The following FSTL1 variants were observed in gnomAD, a reference collection of about 807,000 sequenced individuals.
FSTL1 encodes follistatin like 1, also known as follistatin-related protein 1.
In FSTL1, 24 loss-of-function variants were observed where a neutral mutation model predicts 45.9. The ratio of observed to expected loss-of-function variants is 0.52; its 90% CI spans 0.38 to 0.74. The LOEUF is 0.74. FSTL1 is among the 30% of genes least tolerant of loss of function. The pLI is 0.00. For synonymous variants in FSTL1, 120 were observed against 137.6 expected, an observed-to-expected ratio of 0.87 and a Z score of 0.89; for missense variants, 340 against 381.8, an observed-to-expected ratio of 0.89 and a Z score of 0.91.
At chr3:120,415,197 C>A (rs1937166465) in intron 3 of FSTL1, among the ~76,000 whole-genome samples, 1 of 150,160 alleles carries the variant, frequency 6.7e-6, no homozygotes, top group Non-Finnish European at 1.5e-5. Context: ...TATCCTCTGA[C>A]CTAGCAAGCC....
At chr3:120,447,807 T>A (rs1937790327) in intron 2 of FSTL1, among the ~76,000 whole-genome samples, 1 of 152,272 alleles carries the variant, frequency 6.6e-6, no homozygotes, top group Non-Finnish European at 1.5e-5. Flanking sequence ...TGTGCTACCA[T>A]GCCCAGGTAA....
chr3:120,403,033 G>A, intron 8 of FSTL1, 115 bp from the exon 9 acceptor site: 1 of 777,984 alleles, frequency 1.3e-6, no homozygotes, highest in East Asian at 2.5e-5. Flanking sequence ...CTGTCCCTCA[G>A]AAGCACTATA....
At chr3:120,433,376 A>G (rs1369278375) in intron 2 of FSTL1, among the ~76,000 whole-genome samples, 1 of 152,206 alleles carries the variant, frequency 6.6e-6, no homozygotes, top group South Asian at 2.1e-4. Context: ...GATGCACAAC[A>G]TTCTTGCAAA....
In FSTL1 at chr3:120,392,805, A is replaced by ATTCATAT. The variant is rs749476481; in HGVS notation, c.*4140_*4146dup. ...GGCATCTGCTTAGATCTATCTATGC[A>ATTCATAT]TTCATATTTTTTCCCTTCCTTCCTT... On this transcript the variant is annotated 3_prime_UTR_variant, in exon 11 of 11. Coordinates refer to ENST00000295633, the MANE Select transcript of FSTL1 (RefSeq NM_007085.5). 4.9e-4 allele frequency: 75 copies of ATTCATAT among 152,294 alleles called. No homozygotes were observed. Among genetic ancestry groups the ATTCATAT allele is most frequent in the Admixed American group, 2.6e-3 (40 of 15,298 alleles). The allele number at this position is 152,294 out of a possible 1,614,324, so 9.4% of individuals were successfully genotyped here. A position where few individuals can be genotyped will look rare whatever the true frequency, so the allele number is the denominator to read the frequency against.
At chr3:120,407,809 G>T (rs1180678087) in intron 6 of FSTL1, among the ~76,000 whole-genome samples, 1 of 152,230 alleles carries the variant, frequency 6.6e-6, no homozygotes, top group African/African-American at 2.4e-5. Flanking sequence ...TCATGATCAA[G>T]CTTTCTTAGA....
At chr3:120,442,372 G>C (rs970285395) in intron 2 of FSTL1, among the ~76,000 whole-genome samples, 5 of 128,986 alleles carry the variant, frequency 3.9e-5, no homozygotes, top group African/African-American at 1.2e-4. Context: ...GACATTATGT[G>C]ACTTTAAAAA....
rs766439603 is a variant in FSTL1, at chr3:120,395,895, C to T, written c.*1057G>A. ...CTGGGATATCCTAAGCCCTGCTTGG[C>T]TGCCCTTGTCGCCATCCTTGGGAAT... is the stretch of plus-strand genomic sequence containing the variant. On this transcript the variant is annotated 3_prime_UTR_variant, in exon 11 of 11. Transcript: ENST00000295633. 2.1e-5 allele frequency: 7 copies of T among 337,204 alleles called. No individual in the cohort carries two copies. The highest frequency in any genetic ancestry group is 3.5e-5 in the Non-Finnish European group (6 of 173,256). 20.9% of individuals were successfully genotyped at this position (337,204 alleles called of 1,614,324 possible).
intron 2 of FSTL1, among the ~76,000 whole-genome samples, chr3:120,428,676 A>G (rs149768198): frequency 1.4e-3 from 215 of 152,226 alleles, no homozygotes; most frequent in African/African-American, 5.0e-3. Context: ...AGAGGTTGCA[A>G]TGAGCCTAGA....
In FSTL1 at chr3:120,395,995, G is replaced by T; in HGVS notation, c.*957C>A. 1 of 288,482 alleles carries T rather than the reference G, an allele frequency of 3.5e-6. No individual in the cohort carries two copies. Among genetic ancestry groups the T allele is most frequent in the Non-Finnish European group, 6.6e-6 (1 of 151,884 alleles). The allele number at this position is 288,482 out of a possible 1,614,324, so 17.9% of individuals were successfully genotyped here. A position where few individuals can be genotyped will look rare whatever the true frequency, so the allele number is the denominator to read the frequency against. Reference sequence around the variant, plus strand: ...GATCTTGAAAGTTTTTTATGAAGATGCTTCTTCCCCTGGCTTCGGTCTAAG... The same window carrying T: ...GATCTTGAAAGTTTTTTATGAAGATTCTTCTTCCCCTGGCTTCGGTCTAAG... On this transcript the variant is annotated 3_prime_UTR_variant, in exon 11 of 11. Transcript: ENST00000295633.
chr3:120,436,288 G>C (rs1937558088), intron 2 of FSTL1, among the ~76,000 whole-genome samples: 1 of 152,200 alleles, frequency 6.6e-6, no homozygotes, highest in African/African-American at 2.4e-5. Context: ...AGTCTGCAGT[G>C]AGTACTGAAA....
At chr3:120,421,195 C>A (rs36068602) in intron 2 of FSTL1, 37,039 of 152,136 alleles carry the variant, frequency 0.24, 5,520 homozygotes, top group Non-Finnish European at 0.35. Context: ...GTTTAATATA[C>A]CATCATTTCA....
intron 2 of FSTL1, among the ~76,000 whole-genome samples, chr3:120,434,381 A>G (rs1246085898): frequency 6.6e-6 from 1 of 152,178 alleles, no homozygotes; most frequent in East Asian, 1.9e-4. Flanking sequence ...CTTCTCTGAG[A>G]CAGGCTCTGG....
At position 120,395,855 on chromosome 3, in the gene FSTL1, G is replaced by C. The variant is rs1240066569; in HGVS notation, c.*1097C>G. ...AACTCACCCTCCTAGTTAGTCGAAT[G>C]AGCATATTGGTAGGCTGGGATATCC... On this transcript the variant is annotated 3_prime_UTR_variant, in exon 11 of 11. Coordinates refer to ENST00000295633, the MANE Select transcript of FSTL1 (RefSeq NM_007085.5). The C allele has an allele frequency of 2.5e-6, 1 of 394,926 alleles. No homozygotes were observed. Among genetic ancestry groups the C allele is most frequent in the Non-Finnish European group, 5.0e-6 (1 of 201,434 alleles). 24.5% of individuals were successfully genotyped at this position (394,926 alleles called of 1,614,324 possible).
chr3:120,450,629 C>T, intron 2 of FSTL1, 55 bp downstream of exon 2: 1 of 1,263,682 alleles, frequency 7.9e-7, no homozygotes, highest in Non-Finnish European at 1.1e-6. Context: ...CCGCCCAGCG[C>T]GCAGACCCAA....
chr3:120,445,892 A>AG (rs1937728412), intron 2 of FSTL1, among the ~76,000 whole-genome samples: 1 of 149,918 alleles, frequency 6.7e-6, no homozygotes, highest in Non-Finnish European at 1.5e-5. Context: ...AGGACAGTGA[A>AG]GGGAAGGCCA....
In FSTL1 at chr3:120,442,465, T is replaced by C. The variant is rs76099674; in HGVS notation, c.63+8219A>G. ...GCGTTGCTCTTAATAACAAAATGGG[T>C]TTGTTACAGAGTCTATGAAAAAGAC... On this transcript the variant is annotated intron_variant, in intron 2 of 10. Transcript: ENST00000295633. Among the ~76,000 whole-genome samples the C allele has an allele frequency of 1.4e-3, 214 of 152,026 alleles. 1 individual carries two copies. The highest frequency in any genetic ancestry group is 0.01 in the Middle Eastern group (3 of 294).
intron 2 of FSTL1, chr3:120,423,150 C>T (rs1937313802): frequency 6.6e-6 from 1 of 152,064 alleles, no homozygotes; most frequent in Non-Finnish European, 1.5e-5. Context: ...TGTTTACCTC[C>T]ACCATTTTCT....
chr3:120,415,896 C>T, intron 3 of FSTL1, 27 bp downstream of exon 3: 2 of 1,445,516 alleles, frequency 1.4e-6, no homozygotes, highest in Non-Finnish European at 1.9e-6. Flanking sequence ...TGGCCACTGT[C>T]CTCTGGCTCC....
intron 6 of FSTL1, 131 bp downstream of exon 6, chr3:120,409,401 A>G (rs1254083646): frequency 8.8e-6 from 7 of 799,926 alleles, no homozygotes; most frequent in Middle Eastern, 3.4e-4. Context: ...TGAATGATCT[A>G]TGATGAGGAA....
Sources: gnomAD v4.1 joint callset for allele counts (sites outside exome capture counted in the v4.1 genomes callset) on GRCh38, gnomAD v4.1.1 for gene constraint, MANE v1.5 for transcripts, NCBI Gene and HGNC (gene_info 2026-07-23, HGNC 2026-07-21) for gene names.